ACAD11: variants seen among roughly 807,000 people sequenced by gnomAD.
ACAD11 encodes acyl-Coenzyme A dehydrogenase family, member 11.
ACAD11 carries 83 observed loss-of-function variants against 102.2 expected under a neutral mutation model. The ratio of observed to expected loss-of-function variants is 0.81; its 90% CI spans 0.68 to 0.97. ACAD11 has a LOEUF of 0.97. Ranked by LOEUF, ACAD11 falls within the 50% of genes least tolerant of loss-of-function variation. The pLI, the probability that ACAD11 is intolerant of heterozygous loss-of-function variation, is 0.00. For missense variants in ACAD11, 901 were observed against 951.7 expected (o/e 0.95, Z 0.70); for synonymous variants, 324 against 319.8 (o/e 1.01, Z -0.14).
chr3:132,561,028 T>C, intron 18 of ACAD11, 73 bp downstream of exon 18: 1 of 1,183,994 alleles, frequency 8.4e-7, no homozygotes. Flanking sequence ...CCATGAAAAC[T>C]GAAATGTCCA....
At chr3:132,640,333 C>T (rs1940444096) in intron 4 of ACAD11, among the ~76,000 whole-genome samples, 1 of 152,170 alleles carries the variant, frequency 6.6e-6, no homozygotes, top group African/African-American at 2.4e-5. Context: ...CGTGATCCGC[C>T]TGCCTTGGCC....
At chr3:132,639,969 AACAC>A (rs911226052) in intron 4 of ACAD11, among the ~76,000 whole-genome samples, 7 of 151,170 alleles carry the variant, frequency 4.6e-5, no homozygotes, top group East Asian at 1.9e-4. Context: ...AATGCATACA[AACAC>A]ACACACGCAC....
chr3:132,585,874 C>T (rs1464339477), intron 13 of ACAD11, among the ~76,000 whole-genome samples: 13 of 152,138 alleles, frequency 8.5e-5, no homozygotes, highest in African/African-American at 1.9e-4. Context: ...GAAACAGGAA[C>T]ACTTTTACAC....
At chr3:132,608,510 G>A (rs1938960531) in intron 11 of ACAD11, among the ~76,000 whole-genome samples, 1 of 152,068 alleles carries the variant, frequency 6.6e-6, no homozygotes, top group Non-Finnish European at 1.5e-5. Context: ...TAATAAAACA[G>A]ACTTTAAACC....
chr3:132,597,420 A>G (rs1938364444), intron 13 of ACAD11: 1 of 151,908 alleles, frequency 6.6e-6, no homozygotes, highest in Non-Finnish European at 1.5e-5. Context: ...TTGATGCATA[A>G]AAGTTTAAAT....
At chr3:132,581,336 T>C (rs1402700844) in intron 13 of ACAD11, among the ~76,000 whole-genome samples, 2 of 151,992 alleles carry the variant, frequency 1.3e-5, no homozygotes, top group Non-Finnish European at 2.9e-5. Flanking sequence ...ATTATGTACT[T>C]TTTCTCAAAA....
intron 1 of ACAD11, among the ~76,000 whole-genome samples, chr3:132,645,229 A>G (rs1168710727): frequency 6.6e-6 from 1 of 152,240 alleles, no homozygotes; most frequent in African/African-American, 2.4e-5. Flanking sequence ...AAGTAAATAA[A>G]CAATCTGAGA....
chr3:132,626,457 A>G (rs891303632), intron 9 of ACAD11, among the ~76,000 whole-genome samples: 1 of 151,618 alleles, frequency 6.6e-6, no homozygotes, highest in Non-Finnish European at 1.5e-5. Flanking sequence ...TTACTCTAAC[A>G]TAGTTAGGCT....
chr3:132,628,492 T>C (rs1353723246), intron 7 of ACAD11, 46 bp from the exon 8 acceptor site: 1 of 1,342,576 alleles, frequency 7.4e-7, no homozygotes, highest in Admixed American at 1.9e-5. Context: ...AAACCGTCCT[T>C]CAACAATCCA....
chr3:132,635,577 A>C (rs1576610624), intron 5 of ACAD11, among the ~76,000 whole-genome samples: 1 of 151,988 alleles, frequency 6.6e-6, no homozygotes, highest in Non-Finnish European at 1.5e-5. Context: ...AAGTTAGTTA[A>C]CCTCTCTAAT....
chr3:132,617,745 C>T (rs1939461603), intron 11 of ACAD11, among the ~76,000 whole-genome samples: 1 of 152,194 alleles, frequency 6.6e-6, no homozygotes, highest in Admixed American at 6.5e-5. Context: ...GTATAAGCCC[C>T]TCTTATTTGC....
chr3:132,630,738 G>A (rs751708352), intron 6 of ACAD11, among the ~76,000 whole-genome samples, 180 bp from the exon 7 acceptor site: 19 of 152,094 alleles, frequency 1.2e-4, no homozygotes, highest in South Asian at 4.1e-4. Flanking sequence ...ATATTTGGTC[G>A]TAAATTACTA....
At chr3:132,652,855 G>A (rs543975218) in intron 1 of ACAD11, among the ~76,000 whole-genome samples, 31 of 152,222 alleles carry the variant, frequency 2.0e-4, no homozygotes, top group South Asian at 8.3e-4. Flanking sequence ...GAACTCTGCC[G>A]TGTCAAAGTT....
At chr3:132,588,877 T>C (rs1232357870) in intron 13 of ACAD11, among the ~76,000 whole-genome samples, 1 of 152,226 alleles carries the variant, frequency 6.6e-6, no homozygotes, top group Admixed American at 6.5e-5. Context: ...GTCCTTTTGA[T>C]TTTATAGATG....
intron 17 of ACAD11, chr3:132,561,425 T>C (rs1937053390): frequency 7.4e-6 from 4 of 537,284 alleles, no homozygotes; most frequent in Non-Finnish European, 1.4e-5. Context: ...ACAGTTAAAA[T>C]TGAAATATTT....
At chr3:132,593,941 T>C (rs530703191) in intron 13 of ACAD11, among the ~76,000 whole-genome samples, 1 of 152,310 alleles carries the variant, frequency 6.6e-6, no homozygotes, top group East Asian at 1.9e-4. Flanking sequence ...AGGTGAGTGA[T>C]GCTTCTGCCT....
At chr3:132,638,198 GC>G in intron 5 of ACAD11, among the ~76,000 whole-genome samples, 1 of 152,148 alleles carries the variant, frequency 6.6e-6, no homozygotes, top group Non-Finnish European at 1.5e-5. Context: ...CATTTTAGCT[GC>G]CCAGCAACTC....
chr3:132,620,197 T>C (rs905100788), intron 9 of ACAD11, among the ~76,000 whole-genome samples: 3 of 152,050 alleles, frequency 2.0e-5, no homozygotes, highest in Admixed American at 6.6e-5. Flanking sequence ...CCCTCAGAGG[T>C]AGACCATGGG....
chr3:132,606,220 A>T (rs1938830983), intron 11 of ACAD11, among the ~76,000 whole-genome samples: 1 of 152,232 alleles, frequency 6.6e-6, no homozygotes, highest in African/African-American at 2.4e-5. Flanking sequence ...TGTGTAAGTT[A>T]AACTTCTCAA....
Sources: allele counts gnomAD v4.1 joint callset (sites outside exome capture counted in the v4.1 genomes callset), GRCh38; gene constraint gnomAD v4.1.1; transcripts MANE v1.5; gene names NCBI Gene and HGNC (gene_info 2026-07-23, HGNC 2026-07-21).